Variants in DPYD observed in about 807,000 individuals in gnomAD.
DPYD encodes dihydropyrimidine dehydrogenase [NADP(+)].
A neutral mutation model predicts 116.2 loss-of-function variants in DPYD; 109 were observed. That is an observed-to-expected ratio of 0.94 (90% confidence interval 0.80 to 1.10). The LOEUF (loss-of-function observed/expected upper bound fraction) is 1.10, where lower values mean the gene tolerates loss of function less well. Among genes scored for constraint, DPYD ranks in the 50% least tolerant of loss-of-function variants. DPYD has a pLI of 0.00. For missense variants in DPYD, 1,302 were observed against 1,254.5 expected, an observed-to-expected ratio of 1.04 and a Z score of -0.57; for synonymous variants, 440 against 432.0, an observed-to-expected ratio of 1.02 and a Z score of -0.23.
At chr1:97,908,157 C>T (rs749930999) in intron 1 of DPYD, among the ~76,000 whole-genome samples, 2 of 151,844 alleles carry the variant, frequency 1.3e-5, no homozygotes, top group Non-Finnish European at 2.9e-5. Context: ...GCAATCCTCC[C>T]GCCTCAGCCT....
At chr1:97,334,050 G>A (rs1669164221) in intron 16 of DPYD, among the ~76,000 whole-genome samples, 2 of 152,092 alleles carry the variant, frequency 1.3e-5, no homozygotes, top group Admixed American at 6.5e-5. Flanking sequence ...GGTCTACAGG[G>A]ATCATTTAAA....
At chr1:97,487,546 A>G (rs564072325) in intron 13 of DPYD, among the ~76,000 whole-genome samples, 49 of 152,068 alleles carry the variant, frequency 3.2e-4, no homozygotes, top group East Asian at 1.2e-3. Flanking sequence ...GGTGGCGGGC[A>G]CCTGTAGTCC....
At chr1:97,918,124 T>C (rs767649157) in intron 1 of DPYD, among the ~76,000 whole-genome samples, 2 of 152,210 alleles carry the variant, frequency 1.3e-5, no homozygotes, top group Non-Finnish European at 2.9e-5. Flanking sequence ...ATATAACTAC[T>C]ATTAACGGAC....
chr1:97,513,906 T>C (rs527935819), intron 13 of DPYD, among the ~76,000 whole-genome samples: 2 of 151,882 alleles, frequency 1.3e-5, no homozygotes, highest in African/African-American at 2.4e-5. Flanking sequence ...AATAATCTTT[T>C]TTGAAAATGG....
intron 20 of DPYD, among the ~76,000 whole-genome samples, chr1:97,171,265 C>G (rs1478665861): frequency 1.3e-5 from 2 of 152,090 alleles, no homozygotes; most frequent in Non-Finnish European, 2.9e-5. Context: ...AGGTGGCATG[C>G]CTGCAAAAGC....
chr1:97,306,048 A>T, intron 17 of DPYD, 129 bp downstream of exon 17: 1 of 1,457,516 alleles, frequency 6.9e-7, no homozygotes, highest in South Asian at 1.1e-5. Flanking sequence ...TCAAGTGCTC[A>T]ACTGGAAACT....
At chr1:97,192,475 G>C (rs1570638430) in intron 20 of DPYD, among the ~76,000 whole-genome samples, 2 of 152,178 alleles carry the variant, frequency 1.3e-5, no homozygotes, top group Middle Eastern at 6.8e-3. Flanking sequence ...TAATACAAAG[G>C]AAATACAAAG....
intron 15 of DPYD, among the ~76,000 whole-genome samples, chr1:97,376,727 C>T (rs980309941): frequency 6.6e-6 from 1 of 152,066 alleles, no homozygotes; most frequent in Non-Finnish European, 1.5e-5. Flanking sequence ...TAGTCACTTA[C>T]CCAGAGTTTA....
chr1:97,809,846 T>C (rs1232902418), intron 3 of DPYD, among the ~76,000 whole-genome samples: 1 of 152,042 alleles, frequency 6.6e-6, no homozygotes, highest in Non-Finnish European at 1.5e-5. Flanking sequence ...AGGACAAAAG[T>C]TGGACAAAGC....
At chr1:97,437,545 T>C (rs1202592067) in intron 14 of DPYD, among the ~76,000 whole-genome samples, 1 of 151,896 alleles carries the variant, frequency 6.6e-6, no homozygotes, top group Non-Finnish European at 1.5e-5. Flanking sequence ...TATAGATATA[T>C]GTTTTGTTTT....
At chr1:97,099,915 T>A (rs1402657380) in intron 20 of DPYD, among the ~76,000 whole-genome samples, 1 of 152,098 alleles carries the variant, frequency 6.6e-6, no homozygotes. Flanking sequence ...AAGAACATAC[T>A]TATGTAGAAA....
At chr1:97,278,104 C>A (rs1665072331) in intron 18 of DPYD, among the ~76,000 whole-genome samples, 2 of 152,180 alleles carry the variant, frequency 1.3e-5, no homozygotes, top group Non-Finnish European at 2.9e-5. Context: ...CATCTCATGA[C>A]TCAGTCTGTT....
chr1:97,316,993 CA>C (rs1667894339), intron 16 of DPYD, among the ~76,000 whole-genome samples: 1 of 151,770 alleles, frequency 6.6e-6, no homozygotes, highest in South Asian at 2.1e-4. Context: ...TCTTCACAGG[CA>C]AACAAAAAAC....
intron 6 of DPYD, among the ~76,000 whole-genome samples, chr1:97,694,339 C>G (rs963541563): frequency 1.3e-5 from 2 of 152,010 alleles, no homozygotes; most frequent in Non-Finnish European, 2.9e-5. Flanking sequence ...AGCAAATAGA[C>G]GAAACACATA....
intron 8 of DPYD, among the ~76,000 whole-genome samples, chr1:97,655,857 T>A (rs1314052776): frequency 1.3e-5 from 2 of 152,176 alleles, no homozygotes; most frequent in Non-Finnish European, 2.9e-5. Flanking sequence ...TCTTTTTGAG[T>A]CATTTAGCTT....
At chr1:97,478,999 C>A (rs971560619) in intron 13 of DPYD, among the ~76,000 whole-genome samples, 1 of 152,178 alleles carries the variant, frequency 6.6e-6, no homozygotes, top group African/African-American at 2.4e-5. Flanking sequence ...AATTGGAGCA[C>A]GTCAAGGCCT....
chr1:97,612,725 A>C (rs1656023283), intron 8 of DPYD, among the ~76,000 whole-genome samples: 1 of 152,030 alleles, frequency 6.6e-6, no homozygotes, highest in Admixed American at 6.6e-5. Flanking sequence ...GATTATATGC[A>C]AAATGTCTTC....
intron 8 of DPYD, among the ~76,000 whole-genome samples, chr1:97,641,710 CA>C (rs571106419): frequency 3.0e-4 from 46 of 152,302 alleles, no homozygotes; most frequent in African/African-American, 9.6e-4. Context: ...TGCCCTCTCT[CA>C]CCACTCCTAT....
chr1:97,735,574 G>A lies in DPYD; in HGVS notation c.321+4818C>T, dbSNP rs1022298247. On this transcript the variant is annotated intron_variant, in intron 4 of 22. Transcript: ENST00000370192. ...GTGGTGGCGGGTGCCTGTAGTCCCAGGTACTCTGGAGGCTGAGGCAGGAGA... is the reference window on the plus strand; with the variant it reads ...GTGGTGGCGGGTGCCTGTAGTCCCAAGTACTCTGGAGGCTGAGGCAGGAGA... Among the ~76,000 whole-genome samples, 4 of 150,674 alleles carry A rather than the reference G, an allele frequency of 2.7e-5. No individual in the cohort carries two copies. In the East Asian group the frequency reaches 7.8e-4, roughly 29 times the overall value.
Sources: gnomAD v4.1 joint callset for allele counts (sites outside exome capture counted in the v4.1 genomes callset) on GRCh38, gnomAD v4.1.1 for gene constraint, MANE v1.5 for transcripts, NCBI Gene and HGNC (gene_info 2026-07-23, HGNC 2026-07-21) for gene names.